CACNA1C: variants seen among roughly 807,000 people sequenced by gnomAD.
CACNA1C encodes the protein voltage-dependent L-type calcium channel subunit alpha-1C.
In CACNA1C, 30 loss-of-function variants were observed where a neutral mutation model predicts 229.0. The ratio of observed to expected loss-of-function variants is 0.13; its 90% CI spans 0.10 to 0.18. CACNA1C has a LOEUF of 0.18. Ranked by LOEUF, CACNA1C falls within the 10% of genes least tolerant of loss-of-function variation. The pLI is 1.00. For synonymous variants in CACNA1C, 1,114 were observed against 1,132.5 expected (o/e 0.98, Z 0.33); for missense variants, 1,658 against 2,845.0 (o/e 0.58, Z 9.49).
intron 1 of CACNA1C, among the ~76,000 whole-genome samples, chr12:2,064,330 G>A (rs1426874473): frequency 6.6e-6 from 1 of 152,206 alleles, no homozygotes; most frequent in African/African-American, 2.4e-5. Context: ...GAGCACCCAT[G>A]TCTGTGGCTA....
At chr12:2,247,614 A>C (rs1364976939) in intron 3 of CACNA1C, among the ~76,000 whole-genome samples, 3 of 152,222 alleles carry the variant, frequency 2.0e-5, no homozygotes, top group African/African-American at 7.2e-5. Context: ...GGCGAAATCT[A>C]GACTTCCTGG....
chr12:2,507,654 C>T (rs530964707), intron 8 of CACNA1C, among the ~76,000 whole-genome samples: 41 of 152,316 alleles, frequency 2.7e-4, no homozygotes, highest in African/African-American at 9.6e-4. Flanking sequence ...GCTCCGTGCT[C>T]GGCGTGTTCG....
chr12:2,109,194 GC>G (rs1231646808), intron 1 of CACNA1C, among the ~76,000 whole-genome samples: 1 of 152,218 alleles, frequency 6.6e-6, no homozygotes, highest in Non-Finnish European at 1.5e-5. Context: ...CAGGCTGGCA[GC>G]CCCAGACCTT....
At chr12:2,481,893 T>C (rs1046383860) in intron 5 of CACNA1C, among the ~76,000 whole-genome samples, 1 of 152,276 alleles carries the variant, frequency 6.6e-6, no homozygotes, top group African/African-American at 2.4e-5. Flanking sequence ...GCCCATTTTC[T>C]TTCACCAACA....
chr12:2,371,239 G>T (rs2154539799), intron 3 of CACNA1C, among the ~76,000 whole-genome samples: 1 of 152,262 alleles, frequency 6.6e-6, no homozygotes, highest in South Asian at 2.1e-4. Context: ...CTTGCAAAAT[G>T]GTGAGCTCAC....
intron 3 of CACNA1C, among the ~76,000 whole-genome samples, chr12:2,379,760 G>A (rs373850385): frequency 2.4e-4 from 37 of 152,180 alleles, no homozygotes; most frequent in East Asian, 5.8e-4. Context: ...GGCCGGGCGC[G>A]GTGGCTCACG....
chr12:2,529,423 G>A (rs1599006657), intron 9 of CACNA1C, among the ~76,000 whole-genome samples: 1 of 152,176 alleles, frequency 6.6e-6, no homozygotes, highest in Non-Finnish European at 1.5e-5. Flanking sequence ...AGTACATCTT[G>A]AATGTGGGGA....
intron 3 of CACNA1C, among the ~76,000 whole-genome samples, chr12:2,163,730 C>T (rs181253965): frequency 7.2e-5 from 11 of 152,158 alleles, no homozygotes; most frequent in Non-Finnish European, 1.3e-4. Flanking sequence ...GATTTTGCAG[C>T]GGCTCTGGCG....
intron 3 of CACNA1C, among the ~76,000 whole-genome samples, chr12:2,234,105 G>T (rs995180716): frequency 6.6e-5 from 10 of 152,122 alleles, no homozygotes; most frequent in African/African-American, 2.4e-4. Context: ...GGCCCAGAAA[G>T]GTGTCTCCAG....
intron 9 of CACNA1C, among the ~76,000 whole-genome samples, chr12:2,520,814 A>G (rs1377073944): frequency 3.3e-5 from 5 of 150,828 alleles, no homozygotes; most frequent in East Asian, 3.9e-4. Context: ...TCATTGCCCA[A>G]TGGCCGTGTG....
intron 3 of CACNA1C, among the ~76,000 whole-genome samples, chr12:2,234,819 G>C (rs889327965): frequency 2.0e-5 from 3 of 152,088 alleles, no homozygotes; most frequent in African/African-American, 7.2e-5. Context: ...GTATAGATTG[G>C]CAAGAGGTGG....
At chr12:2,097,250 A>G (rs980262100) in intron 1 of CACNA1C, among the ~76,000 whole-genome samples, 8 of 152,044 alleles carry the variant, frequency 5.3e-5, no homozygotes, top group African/African-American at 1.9e-4. Flanking sequence ...GGTTCACACC[A>G]TTCTCCTGCC....
In CACNA1C at chr12:2,325,840, G is replaced by A. The variant is rs192234284; in HGVS notation, c.478-123136G>A. On this transcript the variant is annotated intron_variant, in intron 3 of 46. Transcript: ENST00000399655. ...AGGCCACGAGCTCTGCGGACAGCAG[G>A]AAGTTTTCCCTAGGCCAGGGAGGAA... is the stretch of plus-strand genomic sequence containing the variant. Among the ~76,000 whole-genome samples, 125 of 152,368 alleles carry A rather than the reference G, an allele frequency of 8.2e-4. 1 individual carries two copies. Among genetic ancestry groups the A allele is most frequent in the African/African-American group, 2.9e-3 (120 of 41,582 alleles).
Position 2,689,894 on chromosome 12 carries a change from G to T in CACNA1C, c.6118-1006G>T, listed in dbSNP as rs1176182083. ...CATCAGGAAGGTCAGGAGTGCCAAAGAAAAACTAAGCAGGGCAAGGAGAGA... is the reference window on the plus strand; with the variant it reads ...CATCAGGAAGGTCAGGAGTGCCAAATAAAAACTAAGCAGGGCAAGGAGAGA... On this transcript the variant is annotated intron_variant, in intron 46 of 46. Transcript: ENST00000399655. The surrounding 1 kb of genome is among the most constrained non-coding windows in gnomAD (Gnocchi z 4.2). 1 of 152,300 alleles carries T rather than the reference G, an allele frequency of 6.6e-6. No individual in the cohort carries two copies. Among genetic ancestry groups the T allele is most frequent in the Admixed American group, 6.5e-5 (1 of 15,282 alleles). 9.4% of individuals were successfully genotyped at this position (152,300 alleles called of 1,614,324 possible).
intron 1 of CACNA1C, among the ~76,000 whole-genome samples, chr12:2,106,141 C>T (rs1463468576): frequency 1.9e-5 from 1 of 53,246 alleles, no homozygotes; most frequent in Non-Finnish European, 4.5e-5. Context: ...CTGAGCTGGG[C>T]GTCCTGAAGC....
At chr12:2,557,540 G>T (rs1360625999) in intron 11 of CACNA1C, among the ~76,000 whole-genome samples, 1 of 152,166 alleles carries the variant, frequency 6.6e-6, no homozygotes, top group African/African-American at 2.4e-5. Flanking sequence ...AATGTTCCCT[G>T]TCCTGGTGCA....
chr12:2,391,161 A>C (rs2098472980), intron 3 of CACNA1C, among the ~76,000 whole-genome samples: 1 of 152,234 alleles, frequency 6.6e-6, no homozygotes, highest in South Asian at 2.1e-4. Context: ...GTTTCCCTTC[A>C]TTGAGACAGG....
At chr12:2,572,303 C>CTCCTCCTCCTCCTCCTCCTCT (rs2054989481) in intron 13 of CACNA1C, among the ~76,000 whole-genome samples, 1 of 149,132 alleles carries the variant, frequency 6.7e-6, no homozygotes, top group South Asian at 2.1e-4. Context: ...ATTATTCCTC[C>CTCCTCCTCCTCCTCCTCCTCT]TCCTCCTCCT....
chr12:2,095,004 C>T (rs1161431844), intron 1 of CACNA1C, among the ~76,000 whole-genome samples: 1 of 152,202 alleles, frequency 6.6e-6, no homozygotes, highest in Non-Finnish European at 1.5e-5. Context: ...TGTTTCAAGA[C>T]TCTTGTCACA....
Sources: gnomAD v4.1 joint callset for allele counts (sites outside exome capture counted in the v4.1 genomes callset) on GRCh38, gnomAD v4.1.1 for gene constraint, Gnocchi (gnomAD v3.1) non-coding constraint, MANE v1.5 for transcripts, NCBI Gene and HGNC (gene_info 2026-07-23, HGNC 2026-07-21) for gene names.